The following PDZD2 variants were observed in gnomAD, a reference collection of about 807,000 sequenced individuals.
PDZD2 encodes PDZ domain containing 2, also known as PDZ domain-containing protein 2.
In PDZD2, 90 loss-of-function variants were observed where a neutral mutation model predicts 220.7. That is an observed-to-expected ratio of 0.41 (90% CI 0.34 to 0.49). The LOEUF is 0.49. Ranked by LOEUF, PDZD2 falls within the 20% of genes least tolerant of loss-of-function variation. The pLI is 0.28. For missense variants in PDZD2, 3,174 were observed against 3,608.5 expected (o/e 0.88, Z 3.08); for synonymous variants, 1,375 against 1,450.5 (o/e 0.95, Z 1.18).
At chr5:32,082,718 A>G (rs1037308674) in intron 19 of PDZD2, among the ~76,000 whole-genome samples, 3 of 152,184 alleles carry the variant, frequency 2.0e-5, no homozygotes, top group African/African-American at 7.2e-5. Context: ...GTGTGTGTGT[A>G]TGTATGTGTG....
chr5:31,656,519 G>A (rs1234841918), intron 1 of PDZD2, among the ~76,000 whole-genome samples: 4 of 152,144 alleles, frequency 2.6e-5, no homozygotes, highest in African/African-American at 4.8e-5. Context: ...GGATTGGTTC[G>A]ACTATTCTTG....
At chr5:31,985,615 C>T (rs1750651289) in intron 3 of PDZD2, among the ~76,000 whole-genome samples, 1 of 152,040 alleles carries the variant, frequency 6.6e-6, no homozygotes, top group East Asian at 1.9e-4. Context: ...ATCACTTGAA[C>T]CTGGCAGGTG....
At chr5:31,926,335 C>T (rs1006467693) in intron 2 of PDZD2, among the ~76,000 whole-genome samples, 4 of 151,378 alleles carry the variant, frequency 2.6e-5, no homozygotes, top group African/African-American at 4.8e-5. Flanking sequence ...TCGAGACCAG[C>T]GGCCAACATG....
At chr5:31,809,097 A>G (rs923311094) in intron 2 of PDZD2, among the ~76,000 whole-genome samples, 1 of 152,240 alleles carries the variant, frequency 6.6e-6, no homozygotes, top group Non-Finnish European at 1.5e-5. Flanking sequence ...GGATAGTTAC[A>G]TCTAGAACCT....
At chr5:31,658,036 C>A (rs1356927223) in intron 1 of PDZD2, among the ~76,000 whole-genome samples, 1 of 152,190 alleles carries the variant, frequency 6.6e-6, no homozygotes, top group Non-Finnish European at 1.5e-5. Context: ...CAACCACTGG[C>A]ATTTTCTGCC....
chr5:32,108,043 G>A lies in PDZD2; in HGVS notation c.8428G>A (p.Gly2810Arg), dbSNP rs199610314. ...ILAINGKPLV[G>R]LMHFDAWNIM... ...TGCTATTAATGGGAAACCTCTGGTT[G>A]GGCTCATGCACTTTGATGCCTGGAA... Residue 2810 changes from glycine (G) to arginine (R), a missense_variant, in exon 25 of 25, where the codon GGG becomes AGG. Gly to Arg is a moderately radical substitution (Grantham distance 125). Transcript: ENST00000438447. The A allele has an allele frequency of 3.1e-6, 5 of 1,610,942 alleles. No individual in the cohort carries two copies. The Admixed American group carries it at 8.3e-5, about 27-fold the overall frequency.
At chr5:31,719,244 C>A (rs1270296778) in intron 1 of PDZD2, among the ~76,000 whole-genome samples, 2 of 152,002 alleles carry the variant, frequency 1.3e-5, no homozygotes, top group Non-Finnish European at 2.9e-5. Context: ...CATTGGATTC[C>A]ACTATATGAT....
intron 4 of PDZD2, among the ~76,000 whole-genome samples, chr5:31,998,114 G>A (rs565894556): frequency 1.3e-5 from 2 of 152,102 alleles, no homozygotes; most frequent in Non-Finnish European, 2.9e-5. Context: ...GGATGGAGAT[G>A]GTCTTGATGG....
intron 2 of PDZD2, among the ~76,000 whole-genome samples, chr5:31,912,509 AT>A (rs1479091893): frequency 3.9e-5 from 6 of 152,136 alleles, no homozygotes; most frequent in African/African-American, 1.4e-4. Context: ...TGGGTGTCCC[AT>A]TTGTGCCTCA....
intron 2 of PDZD2, among the ~76,000 whole-genome samples, chr5:31,927,700 G>A (rs1744921259): frequency 6.6e-6 from 1 of 152,022 alleles, no homozygotes; most frequent in Admixed American, 6.6e-5. Context: ...CTACTTTGAA[G>A]TTAGACTCTC....
At chr5:31,822,719 G>C in intron 2 of PDZD2, 1 of 1,260,242 alleles carries the variant, frequency 7.9e-7, no homozygotes, top group Non-Finnish European at 1.1e-6. Flanking sequence ...TCATCTTTCT[G>C]AGTTTGAGAT....
intron 19 of PDZD2, among the ~76,000 whole-genome samples, chr5:32,086,511 T>C (rs1026851879): frequency 3.3e-5 from 5 of 152,256 alleles, no homozygotes; most frequent in Non-Finnish European, 7.4e-5. Flanking sequence ...GAGAGAAAAA[T>C]GGGCAGATGT....
At chr5:31,671,235 A>T (rs1269270258) in intron 1 of PDZD2, among the ~76,000 whole-genome samples, 1 of 152,212 alleles carries the variant, frequency 6.6e-6, no homozygotes, top group Non-Finnish European at 1.5e-5. Context: ...AGTACAACCA[A>T]AAAGAGATGA....
intron 1 of PDZD2, among the ~76,000 whole-genome samples, chr5:31,752,470 A>G (rs1314028539): frequency 6.6e-6 from 1 of 152,080 alleles, no homozygotes; most frequent in Non-Finnish European, 1.5e-5. Context: ...AATCTCTTGA[A>G]CCTGGGAGGC....
intron 1 of PDZD2, among the ~76,000 whole-genome samples, chr5:31,693,959 G>A (rs1747256084): frequency 6.6e-6 from 1 of 152,202 alleles, no homozygotes; most frequent in African/African-American, 2.4e-5. Flanking sequence ...GATTTCATAT[G>A]TCAAAGCCCT....
chr5:31,946,046 A>C (rs1052181139), intron 2 of PDZD2, among the ~76,000 whole-genome samples: 7 of 152,176 alleles, frequency 4.6e-5, no homozygotes, highest in African/African-American at 1.7e-4. Context: ...TCTGTCACCC[A>C]GGCTGGAGTG....
At chr5:31,914,598 A>G (rs756872352) in intron 2 of PDZD2, among the ~76,000 whole-genome samples, 3 of 152,242 alleles carry the variant, frequency 2.0e-5, no homozygotes, top group African/African-American at 7.2e-5. Context: ...TTAGGAGTAG[A>G]TAGAACATGT....
chr5:31,998,372 G>C (rs2111982212), intron 4 of PDZD2, among the ~76,000 whole-genome samples: 1 of 152,310 alleles, frequency 6.6e-6, no homozygotes, highest in East Asian at 1.9e-4. Flanking sequence ...GAATTCTCTG[G>C]TGTCTCCTGT....
intron 2 of PDZD2, among the ~76,000 whole-genome samples, chr5:31,871,450 T>C (rs907727666): frequency 6.6e-6 from 1 of 152,194 alleles, no homozygotes; most frequent in African/African-American, 2.4e-5. Context: ...TCTCGTTTCT[T>C]GCTTGAGCTT....
Sources: gnomAD v4.1 joint callset for allele counts (sites outside exome capture counted in the v4.1 genomes callset) on GRCh38, gnomAD v4.1.1 for gene constraint, MANE v1.5 for transcripts, NCBI Gene and HGNC (gene_info 2026-07-23, HGNC 2026-07-21) for gene names.